The following CCDC30 variants were observed in gnomAD, a reference collection of about 807,000 sequenced individuals.
CCDC30 encodes coiled-coil domain-containing protein 30.
In CCDC30, 70 loss-of-function variants were observed where a neutral mutation model predicts 100.2. The ratio of observed to expected loss-of-function variants is 0.70; its 90% CI spans 0.58 to 0.85. The LOEUF (loss-of-function observed/expected upper bound fraction) is 0.85. Ranked by LOEUF, CCDC30 falls within the 40% of genes least tolerant of loss-of-function variation. The pLI is 0.00. For missense variants in CCDC30, 652 were observed against 771.2 expected (o/e 0.85, Z 1.83); for synonymous variants, 233 against 269.5 (o/e 0.86, Z 1.33).
intron 12 of CCDC30, among the ~76,000 whole-genome samples, chr1:42,639,344 C>A (rs56924679): frequency 0.024 from 3,615 of 152,196 alleles, 121 homozygotes; most frequent in African/African-American, 0.078. Flanking sequence ...TGGCAACCAC[C>A]AGAAGCTAGG....
chr1:42,542,762 C>T (rs1429664214), intron 6 of CCDC30: 1 of 140,286 alleles, frequency 7.1e-6, no homozygotes, highest in Non-Finnish European at 1.6e-5. Flanking sequence ...ACCTTGTTAG[C>T]CAGGATGGTC....
intron 4 of CCDC30, 28 bp downstream of exon 4, chr1:42,490,257 T>G (rs1644116672): frequency 1.3e-5 from 13 of 1,022,342 alleles, no homozygotes; most frequent in Non-Finnish European, 1.5e-5. Context: ...ATATGATGAT[T>G]ATTATTTAGT....
intron 3 of CCDC30, among the ~76,000 whole-genome samples, chr1:42,485,157 C>T (rs1174657632): frequency 6.6e-6 from 1 of 152,034 alleles, no homozygotes; most frequent in Non-Finnish European, 1.5e-5. Context: ...AGGTCTCTAC[C>T]TTACACCTAC....
At position 42,522,044 on chromosome 1, in the gene CCDC30, G is replaced by A. The variant is rs78367519; in HGVS notation, c.456+23128G>A. Among the ~76,000 whole-genome samples the A allele has an allele frequency of 3.2e-4, 49 of 152,040 alleles. 1 individual carries two copies. The highest frequency in any genetic ancestry group is 1.1e-3 in the African/African-American group (44 of 41,484). On this transcript the variant is annotated intron_variant, in intron 6 of 16. Transcript: ENST00000668663. ...ATTTTCAAGGCCTTTATATAAAATG[G>A]TGTAGGTATTTGCATAGAACTTATG... is the stretch of plus-strand genomic sequence containing the variant.
At chr1:42,548,456 C>T (rs1385932943) in intron 6 of CCDC30, among the ~76,000 whole-genome samples, 1 of 152,048 alleles carries the variant, frequency 6.6e-6, no homozygotes, top group African/African-American at 2.4e-5. Context: ...AAATAATGAA[C>T]TCTAAACTCT....
At chr1:42,497,424 A>G (rs1312534934) in intron 5 of CCDC30, among the ~76,000 whole-genome samples, 2 of 152,202 alleles carry the variant, frequency 1.3e-5, no homozygotes, top group Non-Finnish European at 2.9e-5. Context: ...GCTAAACAGC[A>G]ACATTGTTGC....
intron 11 of CCDC30, among the ~76,000 whole-genome samples, chr1:42,611,751 A>G (rs945179547): frequency 7.9e-5 from 12 of 152,080 alleles, no homozygotes; most frequent in African/African-American, 2.9e-4. Context: ...ATCACAACTC[A>G]CTGCAGCCTC....
chr1:42,569,492 G>A (rs560593027), intron 7 of CCDC30, among the ~76,000 whole-genome samples: 1 of 152,214 alleles, frequency 6.6e-6, no homozygotes, highest in Admixed American at 6.5e-5. Flanking sequence ...TGCTGGCGAG[G>A]ATGTGGTGAA....
chr1:42,514,486 C>G (rs1234365038), intron 6 of CCDC30, among the ~76,000 whole-genome samples: 1 of 152,194 alleles, frequency 6.6e-6, no homozygotes, highest in Non-Finnish European at 1.5e-5. Flanking sequence ...TCCTGAATGA[C>G]TAATGATACT....
intron 10 of CCDC30, among the ~76,000 whole-genome samples, chr1:42,606,842 T>C (rs1202666009): frequency 1.3e-5 from 2 of 152,210 alleles, no homozygotes; most frequent in African/African-American, 4.8e-5. Context: ...CTGTGGTTTC[T>C]CAACATTTCA....
chr1:42,603,631 C>G (rs1279537279), intron 10 of CCDC30, among the ~76,000 whole-genome samples: 1 of 152,206 alleles, frequency 6.6e-6, no homozygotes, highest in African/African-American at 2.4e-5. Context: ...ACACCAAATG[C>G]TGGCAAGCAT....
At chr1:42,498,664 G>A (rs1360155783) in intron 5 of CCDC30, among the ~76,000 whole-genome samples, 154 bp from the exon 6 acceptor site, 1 of 152,158 alleles carries the variant, frequency 6.6e-6, no homozygotes, top group East Asian at 1.9e-4. Flanking sequence ...GTTGTGATAT[G>A]AAGGAAAATA....
intron 11 of CCDC30, among the ~76,000 whole-genome samples, chr1:42,632,829 CAG>C (rs1553126626): frequency 2.0e-5 from 3 of 151,028 alleles, no homozygotes; most frequent in Non-Finnish European, 4.4e-5. Context: ...CTGTTTTTTT[CAG>C]AGACAGCCTT....
intron 11 of CCDC30, among the ~76,000 whole-genome samples, chr1:42,614,106 A>T: frequency 7.2e-6 from 1 of 139,198 alleles, no homozygotes; most frequent in Admixed American, 7.3e-5. Flanking sequence ...TTTGAGATGG[A>T]GTCTCGCTCT....
At chr1:42,511,970 T>G (rs1644485124) in intron 6 of CCDC30, among the ~76,000 whole-genome samples, 1 of 152,246 alleles carries the variant, frequency 6.6e-6, no homozygotes, top group Non-Finnish European at 1.5e-5. Flanking sequence ...TGAACAGAGA[T>G]TTACCCACAT....
At chr1:42,545,782 CA>C (rs1321847306) in intron 6 of CCDC30, among the ~76,000 whole-genome samples, 1 of 151,064 alleles carries the variant, frequency 6.6e-6, no homozygotes, top group Non-Finnish European at 1.5e-5. Context: ...CCCATCTCTA[CA>C]AAAAACAAAA....
intron 6 of CCDC30, among the ~76,000 whole-genome samples, chr1:42,526,956 G>T (rs984793229): frequency 1.3e-5 from 2 of 151,884 alleles, no homozygotes; most frequent in African/African-American, 4.8e-5. Flanking sequence ...TTATTATCTG[G>T]GTTTGTTTTT....
At chr1:42,535,807 G>A (rs1370589792) in intron 6 of CCDC30, among the ~76,000 whole-genome samples, 2 of 134,446 alleles carry the variant, frequency 1.5e-5, no homozygotes, top group Non-Finnish European at 3.1e-5. Context: ...CTCAGTTTTT[G>A]TTGTGTTCCT....
chr1:42,637,463 T>C (rs1293731331), intron 12 of CCDC30, 85 bp downstream of exon 16: 10 of 1,249,416 alleles, frequency 8.0e-6, no homozygotes, highest in African/African-American at 1.5e-5. Context: ...TTAAAAATTA[T>C]TTGAGACCCC....
Sources: gnomAD v4.1 joint callset for allele counts (sites outside exome capture counted in the v4.1 genomes callset) on GRCh38, gnomAD v4.1.1 for gene constraint, MANE v1.5 for transcripts, NCBI Gene and HGNC (gene_info 2026-07-23, HGNC 2026-07-21) for gene names.